The following GRM1 variants were observed in gnomAD, a reference collection of about 807,000 sequenced individuals.
GRM1 encodes metabotropic glutamate receptor 1.
A neutral mutation model predicts 90.9 loss-of-function variants in GRM1; 33 were observed. The ratio of observed to expected loss-of-function variants is 0.36; its 90% CI spans 0.28 to 0.49. The LOEUF (loss-of-function observed/expected upper bound fraction) is 0.49. Among genes scored for constraint, GRM1 ranks in the 20% least tolerant of loss-of-function variants. The pLI is 0.99. For synonymous variants in GRM1, 700 were observed against 613.2 expected, an observed-to-expected ratio of 1.14 and a Z score of -2.09; for missense variants, 1,190 against 1,534.3, an observed-to-expected ratio of 0.78 and a Z score of 3.75.
At chr6:146,354,138 A>T (rs1295832539) in intron 4 of GRM1, among the ~76,000 whole-genome samples, 1 of 152,214 alleles carries the variant, frequency 6.6e-6, no homozygotes. Flanking sequence ...TGATCAATTT[A>T]TCAGATTTCT....
chr6:146,401,600 C>T (rs9386149), intron 7 of GRM1, among the ~76,000 whole-genome samples: 150,097 of 152,304 alleles, frequency 0.99, 73,970 homozygotes, highest in East Asian at 1. Flanking sequence ...TTTCTGAGGG[C>T]TCCATTACAA....
chr6:146,052,527 A>G (rs961904266), intron 1 of GRM1, among the ~76,000 whole-genome samples: 3 of 151,850 alleles, frequency 2.0e-5, no homozygotes, highest in African/African-American at 7.3e-5. Flanking sequence ...TTGCAAATGT[A>G]TAGGGTGAGT....
chr6:146,176,170 A>G (rs1327340882), intron 2 of GRM1, among the ~76,000 whole-genome samples: 1 of 152,106 alleles, frequency 6.6e-6, no homozygotes, highest in East Asian at 1.9e-4. Context: ...CTGATACACA[A>G]TGAATTCTCA....
In GRM1 at chr6:146,426,307, G is replaced by GAC. The variant is rs111288696; in HGVS notation, c.2661-7547_2661-7546dup. Among the ~76,000 whole-genome samples the GAC allele has an allele frequency of 2.1e-3, 317 of 149,902 alleles. 1 individual carries two copies. Among genetic ancestry groups the GAC allele is most frequent in the Admixed American group, 3.8e-3 (57 of 15,062 alleles). Reference sequence around the variant, plus strand: ...GGAGGGAAAGAGCAAACCTGGGGTAGACACACACACACACACACAGCAAAA... The same window carrying GAC: ...GGAGGGAAAGAGCAAACCTGGGGTAGACACACACACACACACACACAGCAAAA... On this transcript the variant is annotated intron_variant, in intron 7 of 7. Coordinates refer to ENST00000282753, the MANE Select transcript of GRM1 (RefSeq NM_001278064.2).
At chr6:146,194,073 T>G (rs1779027203) in intron 2 of GRM1, among the ~76,000 whole-genome samples, 1 of 152,214 alleles carries the variant, frequency 6.6e-6, no homozygotes, top group South Asian at 2.1e-4. Flanking sequence ...ATATTTTTGT[T>G]ATTCTAATGG....
intron 4 of GRM1, among the ~76,000 whole-genome samples, chr6:146,353,945 AATGTC>A (rs1480799689): frequency 2.0e-5 from 3 of 152,030 alleles, no homozygotes; most frequent in Admixed American, 6.5e-5. Context: ...CAACCTTCTT[AATGTC>A]ATTTCAGAAG....
At chr6:146,148,851 C>G in intron 1 of GRM1, among the ~76,000 whole-genome samples, 1 of 152,062 alleles carries the variant, frequency 6.6e-6, no homozygotes, top group East Asian at 1.9e-4. Context: ...TTTTTCTGAA[C>G]TTGTTGTTGC....
intron 2 of GRM1, among the ~76,000 whole-genome samples, chr6:146,287,965 A>T (rs184478679): frequency 5.3e-4 from 80 of 152,352 alleles, no homozygotes; most frequent in Admixed American, 5.2e-3. Context: ...TAAGACATCA[A>T]GATTGCAGTA....
rs184881181 is a variant in GRM1, at chr6:146,103,369, C to T, written c.701-55979C>T. ...GATTACCCAGGCCAAAGGGGTCATG[C>T]TTTGCTTTGAGACAGGTGAAGGGAC... is the stretch of plus-strand genomic sequence containing the variant. On this transcript the variant is annotated intron_variant, in intron 1 of 7. Coordinates refer to ENST00000282753, the MANE Select transcript of GRM1 (RefSeq NM_001278064.2). Among the ~76,000 whole-genome samples the T allele has an allele frequency of 3.1e-3, 468 of 152,242 alleles. 5 individuals are homozygous for T. The highest frequency in any genetic ancestry group is 0.011 in the African/African-American group (447 of 41,538).
chr6:146,117,185 T>C (rs1775784059), intron 1 of GRM1, among the ~76,000 whole-genome samples: 1 of 151,404 alleles, frequency 6.6e-6, no homozygotes, highest in South Asian at 2.1e-4. Context: ...TTGAGTTTCA[T>C]GCTTATCTAT....
At chr6:146,101,433 T>C (rs1001230181) in intron 1 of GRM1, among the ~76,000 whole-genome samples, 3 of 152,218 alleles carry the variant, frequency 2.0e-5, no homozygotes, top group African/African-American at 7.2e-5. Context: ...TATGTACCCA[T>C]TGTTAAAAGC....
At chr6:146,304,932 G>T in intron 3 of GRM1, 86 bp downstream of exon 3, 1 of 960,660 alleles carries the variant, frequency 1.0e-6, no homozygotes, top group Non-Finnish European at 1.7e-6. Flanking sequence ...AATAGAAGGT[G>T]CCAGGGCTAG....
intron 2 of GRM1, among the ~76,000 whole-genome samples, chr6:146,296,005 AAG>A (rs748230927): frequency 6.6e-6 from 1 of 152,176 alleles, no homozygotes; most frequent in Non-Finnish European, 1.5e-5. Flanking sequence ...TTAGTTTGCT[AAG>A]GATAATGGCC....
chr6:146,164,643 G>A (rs1777845887), intron 2 of GRM1, among the ~76,000 whole-genome samples: 1 of 152,056 alleles, frequency 6.6e-6, no homozygotes. Flanking sequence ...ATCACAAAAT[G>A]CCTGCTTGCC....
At position 146,399,322 on chromosome 6, in the gene GRM1, A is replaced by C. The variant is rs1381596301; in HGVS notation, c.2283A>C (p.Gly761=). ...TGGTGGCCCCTTTGGGCTACAATGGACTCCTCATCATGAGCTGTACCTACT... is the reference window on the plus strand; with the variant it reads ...TGGTGGCCCCTTTGGGCTACAATGGCCTCCTCATCATGAGCTGTACCTACT... ...LGVVAPLGYN[G]LLIMSCTYYA... The change falls in exon 7 of 8, where the codon GGA becomes GGC. Residue 761 remains glycine (G), a synonymous_variant. Transcript: ENST00000282753. The surrounding 1 kb of genome is among the most constrained non-coding windows in gnomAD (Gnocchi z 5.4). 1 of 1,613,834 alleles carries C rather than the reference A, an allele frequency of 6.2e-7. No homozygotes were observed. The highest frequency in any genetic ancestry group is 8.5e-7 in the Non-Finnish European group (1 of 1,179,936).
intron 4 of GRM1, among the ~76,000 whole-genome samples, chr6:146,353,557 T>G (rs938861794): frequency 6.6e-6 from 1 of 152,218 alleles, no homozygotes; most frequent in African/African-American, 2.4e-5. Flanking sequence ...GTGCTCTCAC[T>G]CTGAGGCTTC....
At chr6:146,085,682 T>G (rs1776518636) in intron 1 of GRM1, among the ~76,000 whole-genome samples, 1 of 152,166 alleles carries the variant, frequency 6.6e-6, no homozygotes, top group Non-Finnish European at 1.5e-5. Flanking sequence ...GAGAAAAACT[T>G]TGCTACTTAA....
intron 3 of GRM1, among the ~76,000 whole-genome samples, chr6:146,344,894 C>T (rs1325568721): frequency 6.6e-6 from 1 of 152,134 alleles, no homozygotes; most frequent in Non-Finnish European, 1.5e-5. Flanking sequence ...TCACCACAGC[C>T]TCCACGTCCC....
Position 146,434,241 on chromosome 6 carries a change from C to T in GRM1, c.3030C>T (p.Pro1010=), listed in dbSNP as rs1267120420. The T allele has an allele frequency of 4.4e-6, 7 of 1,601,986 alleles. No individual in the cohort carries two copies. The Admixed American group carries it at 6.7e-5, about 15-fold the overall frequency. The change falls in exon 8 of 8, where the codon CCC becomes CCT. Residue 1010 remains proline, a synonymous_variant. Transcript: ENST00000282753. ...TPLFLAEPAL[P]KGLPPPLQQQ... ...TCTTCCTGGCCGAACCAGCCCTCCC[C>T]AAGGGCTTGCCCCCTCCTCTCCAGC...
Sources: allele counts gnomAD v4.1 joint callset (sites outside exome capture counted in the v4.1 genomes callset), GRCh38; gene constraint gnomAD v4.1.1; non-coding constraint Gnocchi (gnomAD v3.1); transcripts MANE v1.5; gene names NCBI Gene and HGNC (gene_info 2026-07-23, HGNC 2026-07-21).